The following PCDHA2 variants were observed in gnomAD, a reference collection of about 807,000 sequenced individuals.
The protein encoded by PCDHA2 is protocadherin alpha-2.
PCDHA2 carries 58 observed loss-of-function variants against 66.0 expected under a neutral mutation model. That is an observed-to-expected ratio of 0.88 (90% CI 0.71 to 1.09). The LOEUF (loss-of-function observed/expected upper bound fraction) is 1.09, where lower values mean the gene tolerates loss of function less well. Among genes scored for constraint, PCDHA2 ranks in the 50% least tolerant of loss-of-function variants. The probability of loss-of-function intolerance (pLI) is 0.00; values close to 1 mark genes in which losing one functional copy is unlikely to be tolerated. For missense variants in PCDHA2, 1,267 were observed against 1,242.3 expected, an observed-to-expected ratio of 1.02 and a Z score of -0.30; for synonymous variants, 634 against 554.0, an observed-to-expected ratio of 1.14 and a Z score of -2.03.
At position 140,958,540 on chromosome 5, in the gene PCDHA2, A is replaced by G. The variant is rs920451567; in HGVS notation, c.2389-20409A>G. 4.6e-5 allele frequency among the ~76,000 whole-genome samples: 7 copies of G among 152,312 alleles called. 1 individual carries two copies. In the East Asian group the frequency reaches 1.3e-3, roughly 29 times the overall value. On this transcript the variant is annotated intron_variant, in intron 1 of 3. Coordinates refer to ENST00000526136, the MANE Select transcript of PCDHA2 (RefSeq NM_018905.3). ...ATATATACTATGTGTACATTGATTT[A>G]TGAACCAATAAATGTTTCATACACA... is the stretch of plus-strand genomic sequence containing the variant.
chr5:140,987,462 A>C (rs2097255249), intron 3 of PCDHA2, among the ~76,000 whole-genome samples: 1 of 152,154 alleles, frequency 6.6e-6, no homozygotes, highest in African/African-American at 2.4e-5. Flanking sequence ...AATTGTTAAG[A>C]GCTCAAGCTT....
At chr5:140,855,165 T>C (rs1172731300) in intron 1 of PCDHA2, among the ~76,000 whole-genome samples, 1 of 149,930 alleles carries the variant, frequency 6.7e-6, no homozygotes, top group Non-Finnish European at 1.5e-5. Context: ...TTGAGCCTCA[T>C]GAAAACAAAT....
chr5:140,883,475 AACT>A, intron 1 of PCDHA2: 1 of 1,614,106 alleles, frequency 6.2e-7, no homozygotes. Context: ...CACCTACAAG[AACT>A]ACTACTCATT....
intron 1 of PCDHA2, chr5:140,823,222 G>C: frequency 6.2e-7 from 1 of 1,613,732 alleles, no homozygotes; most frequent in Non-Finnish European, 8.5e-7. Flanking sequence ...GGACGCGGAC[G>C]CGCAGGAGAA....
At chr5:140,863,243 C>G (rs868910592) in intron 1 of PCDHA2, 1 of 1,351,802 alleles carries the variant, frequency 7.4e-7, no homozygotes, top group Non-Finnish European at 1.0e-6. Context: ...CGGGCTTTGG[C>G]GGGCGTCGAG....
chr5:140,877,076 T>G, intron 1 of PCDHA2: 1 of 1,613,022 alleles, frequency 6.2e-7, no homozygotes, highest in Non-Finnish European at 8.5e-7. Context: ...CAGTTCCAGG[T>G]GAGCGCGCGC....
At chr5:140,969,363 C>G (rs367871893) in intron 1 of PCDHA2, 4 of 1,610,614 alleles carry the variant, frequency 2.5e-6, no homozygotes, top group East Asian at 4.5e-5. Flanking sequence ...CTTCTACAAA[C>G]TCATGCATTT....
intron 1 of PCDHA2, chr5:140,803,194 T>A: frequency 6.2e-7 from 1 of 1,613,922 alleles, no homozygotes; most frequent in South Asian, 1.1e-5. Context: ...GCCACTGTGC[T>A]GGTGTCGCTG....
intron 1 of PCDHA2, chr5:140,867,277 A>G (rs2153229225): frequency 6.6e-6 from 1 of 152,228 alleles, no homozygotes; most frequent in East Asian, 1.9e-4. Context: ...AATAAACCTG[A>G]TGTGCTTCAA....
rs782009545 is a variant in PCDHA2, at chr5:140,809,462, T to A, written c.2388+12110T>A. On this transcript the variant is annotated intron_variant, in intron 1 of 3. Coordinates refer to ENST00000526136, the MANE Select transcript of PCDHA2 (RefSeq NM_018905.3). Reference sequence around the variant, plus strand: ...CTCGCAGCAGAGGAGGCCGAGGGTGTGCTCTGGTGAGGGCCCACCCAAGAC... The same window carrying A: ...CTCGCAGCAGAGGAGGCCGAGGGTGAGCTCTGGTGAGGGCCCACCCAAGAC... 41 of 1,614,090 alleles carry A rather than the reference T, an allele frequency of 2.5e-5. 1 individual carries two copies. In the South Asian group the frequency reaches 4.5e-4, roughly 18 times the overall value.
intron 1 of PCDHA2, chr5:140,829,748 G>T (rs1179697520): frequency 1.9e-6 from 3 of 1,613,604 alleles, no homozygotes; most frequent in South Asian, 2.2e-5. Context: ...GACGCTGCAG[G>T]TGTTCGTGCT....
Position 141,012,131 on chromosome 5 carries a change from G to A in PCDHA2, c.*2194G>A, listed in dbSNP as rs1214098938. The A allele has an allele frequency of 1.3e-5, 2 of 153,688 alleles. No individual in the cohort carries two copies. The highest frequency in any genetic ancestry group is 2.9e-5 in the Non-Finnish European group (2 of 68,026). 9.5% of individuals were successfully genotyped at this position (153,688 alleles called of 1,614,324 possible). A position where few individuals can be genotyped will look rare whatever the true frequency, so the allele number is the denominator to read the frequency against. ...CTGAAGCCCATGTATCTGACCTTAC[G>A]TGCCTTTTGAACTAGGAGAATCGGG... On this transcript the variant is annotated 3_prime_UTR_variant, in exon 4 of 4. Transcript: ENST00000526136.
In PCDHA2 at chr5:140,858,867, T is replaced by C. The variant is rs183298446; in HGVS notation, c.2388+61515T>C. 1.7e-4 allele frequency: 42 copies of C among 253,674 alleles called. No homozygotes were observed. In the East Asian group the frequency reaches 3.9e-3, roughly 24 times the overall value. 15.7% of individuals were successfully genotyped at this position (253,674 alleles called of 1,614,324 possible). ...CTGATCTATATCTCTTCAGTGAAAATGTGTTTTCCTCCATGTGTAGAATAT... is the reference window on the plus strand; with the variant it reads ...CTGATCTATATCTCTTCAGTGAAAACGTGTTTTCCTCCATGTGTAGAATAT... On this transcript the variant is annotated intron_variant, in intron 1 of 3. Coordinates refer to ENST00000526136, the MANE Select transcript of PCDHA2 (RefSeq NM_018905.3).
chr5:140,822,875 T>C (rs1562267185), intron 1 of PCDHA2: 2 of 1,614,192 alleles, frequency 1.2e-6, no homozygotes, highest in Non-Finnish European at 1.7e-6. Flanking sequence ...CTCAGCACGG[T>C]CATTGCTCTG....
Position 140,952,580 on chromosome 5 carries a change from A to G in PCDHA2, c.2389-26369A>G, listed in dbSNP as rs538999222. ...ATCAGCACTTCGGTCCCAATCATTCAAGTAGTCTCTAGGAAGTTCTAAGCT... is the reference window on the plus strand; with the variant it reads ...ATCAGCACTTCGGTCCCAATCATTCGAGTAGTCTCTAGGAAGTTCTAAGCT... On this transcript the variant is annotated intron_variant, in intron 1 of 3. Transcript: ENST00000526136. Among the ~76,000 whole-genome samples the G allele has an allele frequency of 2.0e-4, 30 of 152,248 alleles. No homozygotes were observed. In the South Asian group the frequency reaches 2.3e-3, roughly 12 times the overall value.
intron 1 of PCDHA2, among the ~76,000 whole-genome samples, chr5:140,920,824 C>T (rs537294471): frequency 3.4e-5 from 5 of 145,004 alleles, no homozygotes; most frequent in Admixed American, 1.4e-4. Context: ...AGCCTGGCGA[C>T]GGAGCAAGAC....
chr5:140,795,009 G>C lies in PCDHA2; in HGVS notation c.45G>C (p.Leu15=). The change falls in exon 1 of 4, where the codon CTG becomes CTC. Residue 15 remains leucine, a synonymous_variant. Transcript: ENST00000526136. ...IRRGRGAWTR[L]LSLLLLAAWE... Reference sequence around the variant, plus strand: ...GGGGCCGAGGGGCCTGGACACGGCTGCTCTCGCTTCTGCTCCTCGCAGCCT... The same window carrying C: ...GGGGCCGAGGGGCCTGGACACGGCTCCTCTCGCTTCTGCTCCTCGCAGCCT... The C allele has an allele frequency of 6.2e-7, 1 of 1,613,778 alleles. No homozygotes were observed.
intron 1 of PCDHA2, chr5:140,821,660 G>A (rs1183568019): frequency 8.4e-7 from 1 of 1,191,180 alleles, no homozygotes; most frequent in Non-Finnish European, 1.2e-6. Context: ...TTTTGGCTGT[G>A]CCAAGAAGCT....
At chr5:140,979,129 A>T (rs1316213932) in intron 2 of PCDHA2, 122 bp downstream of exon 2, 1 of 1,477,514 alleles carries the variant, frequency 6.8e-7, no homozygotes, top group Non-Finnish European at 9.0e-7. Flanking sequence ...CTTTGCCAGG[A>T]AAATGCAATT....
Sources: gnomAD v4.1 joint callset for allele counts (sites outside exome capture counted in the v4.1 genomes callset) on GRCh38, gnomAD v4.1.1 for gene constraint, MANE v1.5 for transcripts, NCBI Gene and HGNC (gene_info 2026-07-23, HGNC 2026-07-21) for gene names.